Variants in RAPGEF2 observed in about 807,000 individuals in gnomAD.
RAPGEF2 encodes Rap guanine nucleotide exchange factor 2, also known as PDZ domain containing guanine nucleotide exchange factor (GEF) 1.
RAPGEF2 carries 54 observed loss-of-function variants against 186.7 expected under a neutral mutation model. The observed-to-expected ratio is 0.29, with a 90% confidence interval of 0.23 to 0.36. RAPGEF2 has a LOEUF of 0.36. Among genes scored for constraint, RAPGEF2 ranks in the 10% least tolerant of loss-of-function variants. RAPGEF2 has a pLI of 1.00. For missense variants in RAPGEF2, 1,532 were observed against 2,045.0 expected (o/e 0.75, Z 4.84); for synonymous variants, 712 against 705.9 (o/e 1.01, Z -0.14).
At chr4:159,203,821 C>G (rs1749697391) in intron 3 of RAPGEF2, among the ~76,000 whole-genome samples, 1 of 152,158 alleles carries the variant, frequency 6.6e-6, no homozygotes, top group Non-Finnish European at 1.5e-5. Context: ...CAAGGTACTG[C>G]ATATATATTG....
intron 1 of RAPGEF2, among the ~76,000 whole-genome samples, chr4:159,152,320 A>G (rs755372326): frequency 1.0e-4 from 15 of 148,114 alleles, no homozygotes; most frequent in South Asian, 2.1e-4. Context: ...GACTCTGTCT[A>G]AAAAAAAATA....
At chr4:159,246,265 A>T (rs1396915557) in intron 7 of RAPGEF2, among the ~76,000 whole-genome samples, 2 of 152,166 alleles carry the variant, frequency 1.3e-5, no homozygotes, top group African/African-American at 4.8e-5. Flanking sequence ...AAAATACTAC[A>T]TAAGATTAAA....
chr4:159,122,660 G>A (rs1284570775), intron 1 of RAPGEF2, among the ~76,000 whole-genome samples: 1 of 152,146 alleles, frequency 6.6e-6, no homozygotes, highest in Non-Finnish European at 1.5e-5. Context: ...TGTTGCTTTC[G>A]TGTCATGAGT....
At chr4:159,144,507 T>C (rs1418511685) in intron 1 of RAPGEF2, among the ~76,000 whole-genome samples, 1 of 152,262 alleles carries the variant, frequency 6.6e-6, no homozygotes, top group Non-Finnish European at 1.5e-5. Flanking sequence ...TTATGAGCTA[T>C]GAAGCTATCC....
At chr4:159,259,236 A>T (rs1756528350) in intron 7 of RAPGEF2, among the ~76,000 whole-genome samples, 1 of 152,222 alleles carries the variant, frequency 6.6e-6, no homozygotes, top group Admixed American at 6.5e-5. Flanking sequence ...TGTTATTTAA[A>T]CTTAAAATGT....
intron 7 of RAPGEF2, among the ~76,000 whole-genome samples, chr4:159,300,779 A>C (rs1160884704): frequency 6.6e-6 from 1 of 152,176 alleles, no homozygotes. Flanking sequence ...AAAAAAGTTT[A>C]GAGTAAGGGA....
At chr4:159,296,571 G>A (rs571284778) in intron 7 of RAPGEF2, among the ~76,000 whole-genome samples, 1 of 152,268 alleles carries the variant, frequency 6.6e-6, no homozygotes, top group Admixed American at 6.5e-5. Context: ...TGATCTTGAT[G>A]CAAATCACTT....
Position 159,322,473 on chromosome 4 carries a change from A to G in RAPGEF2, c.980A>G (p.Asp327Gly), listed in dbSNP as rs1398080370. The change falls in exon 10 of 30, where the codon GAT becomes GGT. Residue 327 changes from aspartate to glycine, a missense_variant. Around this residue, in one of 4 missense-constraint regions of RAPGEF2, gnomAD observed 810 missense variants for 1,210.5 expected, o/e 0.67. Transcript: ENST00000691494. ...AGAGCAGGGACCATAGTGTTAAATGATGGTGAAGAGGTGAGTAACTATTCC... is the reference window on the plus strand; with the variant it reads ...AGAGCAGGGACCATAGTGTTAAATGGTGGTGAAGAGGTGAGTAACTATTCC... ...VERAGTIVLN[D>G]GEELDSWSVI... 1 of 1,613,498 alleles carries G rather than the reference A, an allele frequency of 6.2e-7. No individual in the cohort carries two copies. The highest frequency in any genetic ancestry group is 2.2e-5 in the East Asian group (1 of 44,844).
intron 16 of RAPGEF2, 125 bp from the exon 17 acceptor site, chr4:159,332,326 G>T (rs533736464): frequency 1.0e-6 from 1 of 1,002,042 alleles, no homozygotes. Context: ...TTTTTCTGCA[G>T]GTTTGCAGTT....
chr4:159,334,744 A>G (rs1767162497), intron 17 of RAPGEF2, among the ~76,000 whole-genome samples: 1 of 152,242 alleles, frequency 6.6e-6, no homozygotes, highest in Admixed American at 6.5e-5. Flanking sequence ...TGAGAATACC[A>G]TGTCTAATTT....
At chr4:159,203,610 GC>G (rs1471016226) in intron 3 of RAPGEF2, among the ~76,000 whole-genome samples, 5 of 152,160 alleles carry the variant, frequency 3.3e-5, no homozygotes, top group Admixed American at 6.5e-5. Context: ...AAGCTAGACT[GC>G]AGGTTTGTTC....
chr4:159,256,469 T>G (rs1464006891), intron 7 of RAPGEF2, among the ~76,000 whole-genome samples: 1 of 152,248 alleles, frequency 6.6e-6, no homozygotes, highest in Non-Finnish European at 1.5e-5. Context: ...TTGGGTTGAT[T>G]CCATGTCTTT....
Position 159,330,295 on chromosome 4 carries a change from G to GTGTGTGTA in RAPGEF2, c.1303-38_1303-37insGTGTGTAT, listed in dbSNP as rs1554038040. 1.1e-4 allele frequency: 103 copies of GTGTGTGTA among 924,434 alleles called. No individual in the cohort carries two copies. In the African/African-American group the frequency reaches 1.7e-3, roughly 15 times the overall value. The allele number at this position is 924,434 out of a possible 1,614,324, so 57.3% of individuals were successfully genotyped here. On this transcript the variant is annotated intron_variant, in intron 12 of 29. Coordinates refer to ENST00000691494, the MANE Select transcript of RAPGEF2 (RefSeq NM_001394067.2). ...TGTGTGTGTGTGTGTGTGTGTGTGTGTATATATATGTAGTAATTAAACCTT... is the reference window on the plus strand; with the variant it reads ...TGTGTGTGTGTGTGTGTGTGTGTGTGTGTGTGTATATATATATGTAGTAATTAAACCTT...
intron 1 of RAPGEF2, among the ~76,000 whole-genome samples, chr4:159,182,387 T>A (rs35171382): frequency 0.049 from 1,874 of 37,990 alleles, 38 homozygotes; most frequent in African/African-American, 0.24. Flanking sequence ...TCTTTTCTTC[T>A]TTTTTTTTTT....
chr4:159,256,700 G>C (rs759036582), intron 7 of RAPGEF2, among the ~76,000 whole-genome samples: 1 of 152,114 alleles, frequency 6.6e-6, no homozygotes, highest in Non-Finnish European at 1.5e-5. Context: ...CAACCTCACA[G>C]GCATCTGTTG....
intron 7 of RAPGEF2, among the ~76,000 whole-genome samples, chr4:159,261,936 G>C (rs753252457): frequency 8.6e-5 from 13 of 152,038 alleles, no homozygotes; most frequent in Non-Finnish European, 1.8e-4. Flanking sequence ...ATTTATTCCT[G>C]TAAAATTTAA....
chr4:159,244,544 G>T (rs117022872), intron 7 of RAPGEF2, among the ~76,000 whole-genome samples: 7 of 151,762 alleles, frequency 4.6e-5, no homozygotes, highest in African/African-American at 1.7e-4. Flanking sequence ...TACATTTGGG[G>T]TTATCCGGGA....
rs1560964822 is a variant in RAPGEF2, at chr4:159,104,527, G to GAGAGAGAGAGAGA, written c.69+296_69+297insAGAGAGAGAGAGA. 1.2e-3 allele frequency among the ~76,000 whole-genome samples: 102 copies of GAGAGAGAGAGAGA among 88,466 alleles called. 5 individuals carry two copies. Among genetic ancestry groups the GAGAGAGAGAGAGA allele is most frequent in the Middle Eastern group, 0.012 (2 of 168 alleles). 58.0% of individuals were successfully genotyped at this position (88,466 alleles called of 152,430 possible). On this transcript the variant is annotated intron_variant, in intron 1 of 29. Transcript: ENST00000691494. ...GAGAGAGAGAGAGAGAGAGAGAGAGGGAGAGACAGAGAGAGAGAGAGAGAG... is the reference window on the plus strand; with the variant it reads ...GAGAGAGAGAGAGAGAGAGAGAGAGGAGAGAGAGAGAGAGAGAGACAGAGAGAGAGAGAGAGAG...
intron 7 of RAPGEF2, 25 bp from the exon 8 acceptor site, chr4:159,304,317 C>A: frequency 6.4e-7 from 1 of 1,559,348 alleles, no homozygotes; most frequent in South Asian, 1.2e-5. Context: ...GATTGTAATC[C>A]TAGTTTTTCC....
Sources: gnomAD v4.1 joint callset for allele counts (sites outside exome capture counted in the v4.1 genomes callset) on GRCh38, gnomAD v4.1.1 for gene constraint, gnomAD v4.1.1 regional missense constraint, MANE v1.5 for transcripts, NCBI Gene and HGNC (gene_info 2026-07-23, HGNC 2026-07-21) for gene names.